The following XPO7 variants were observed in gnomAD, a reference collection of about 807,000 sequenced individuals.
The protein encoded by XPO7 is exportin 7, also known as exportin-7.
In XPO7, 21 loss-of-function variants were observed where a neutral mutation model predicts 144.3. The observed-to-expected ratio is 0.15, with a 90% confidence interval of 0.10 to 0.21. XPO7 has a LOEUF of 0.21. Ranked by LOEUF, XPO7 falls within the 10% of genes least tolerant of loss-of-function variation. The pLI is 1.00. For synonymous variants in XPO7, 580 were observed against 499.6 expected (o/e 1.16, Z -2.15); for missense variants, 808 against 1,325.8 (o/e 0.61, Z 6.06).
intron 1 of XPO7, among the ~76,000 whole-genome samples, chr8:21,928,259 G>A (rs1299487450): frequency 2.6e-5 from 4 of 152,174 alleles, no homozygotes; most frequent in African/African-American, 7.2e-5. Context: ...TTGCATAGTA[G>A]GAGTGCTTGG....
rs1812012624 is a variant in XPO7, at chr8:21,970,288, C to G, written c.404C>G (p.Thr135Arg). The G allele has an allele frequency of 6.2e-7, 1 of 1,613,484 alleles. No homozygotes were observed. The highest frequency in any genetic ancestry group is 1.1e-5 in the South Asian group (1 of 91,034). The change falls in exon 4 of 28, where the codon ACA (threonine) becomes AGA (arginine). Residue 135 changes from threonine to arginine, a missense_variant. Physicochemically the swap from Thr to Arg is moderately conservative, Grantham distance 71 (BLOSUM62 -1). This residue lies in a region of XPO7 where 223 missense variants were observed against 368.8 expected (regional missense o/e 0.60). Transcript: ENST00000252512. ...KDDYVFRNAI[T>R]DVTRFLQDSV... Reference sequence around the variant, plus strand: ...GACTATGTCTTCAGAAATGCAATCACAGACGTCACAAGGTTTTTACAGGTA... The same window carrying G: ...GACTATGTCTTCAGAAATGCAATCAGAGACGTCACAAGGTTTTTACAGGTA...
intron 1 of XPO7, among the ~76,000 whole-genome samples, chr8:21,946,888 C>T (rs953574218): frequency 1.3e-5 from 2 of 152,102 alleles, no homozygotes; most frequent in Admixed American, 1.3e-4. Flanking sequence ...TCAACAGCAA[C>T]CTGGAAGCCA....
At chr8:21,963,115 C>G (rs1007185091) in intron 1 of XPO7, among the ~76,000 whole-genome samples, 2 of 152,188 alleles carry the variant, frequency 1.3e-5, no homozygotes, top group East Asian at 3.9e-4. Flanking sequence ...GATAATTCAG[C>G]TACAAAATTG....
intron 4 of XPO7, among the ~76,000 whole-genome samples, chr8:21,971,425 T>C (rs1812060192): frequency 1.3e-5 from 2 of 152,214 alleles, no homozygotes; most frequent in Admixed American, 1.3e-4. Flanking sequence ...GGGTTATGAG[T>C]GAGACTGGAT....
At position 21,919,841 on chromosome 8, in the gene XPO7, T is replaced by C. The variant is rs1033668135; in HGVS notation, c.18+53T>C. 3.5e-4 allele frequency: 118 copies of C among 335,644 alleles called. 2 individuals are homozygous for C. In the Admixed American group the frequency reaches 6.1e-3, roughly 17 times the overall value. The allele number at this position is 335,644 out of a possible 1,614,324, so 20.8% of individuals were successfully genotyped here. A position where few individuals can be genotyped will look rare whatever the true frequency, so the allele number is the denominator to read the frequency against. On this transcript the variant is annotated intron_variant, in intron 1 of 27. Transcript: ENST00000252512. The stretch of plus-strand genomic sequence containing the variant: ...CGACCACGAAGAGCGGCGAGTGGAG[T>C]CGGGGGTGCACACGGCCCACAGGGC...
At chr8:21,999,035 A>G in intron 22 of XPO7, 56 bp from the exon 23 acceptor site, 2 of 1,600,204 alleles carry the variant, frequency 1.2e-6, no homozygotes, top group Non-Finnish European at 1.7e-6. Flanking sequence ...AGGAAGGCTG[A>G]TCTAAACGAG....
Position 21,937,042 on chromosome 8 carries a change from G to T in XPO7, c.18+17254G>T, listed in dbSNP as rs146648243. 2.6e-3 allele frequency among the ~76,000 whole-genome samples: 401 copies of T among 152,206 alleles called. 2 individuals carry two copies. Among genetic ancestry groups the T allele is most frequent in the African/African-American group, 8.8e-3 (367 of 41,512 alleles). ...ATCACTCTTAACGGACTCAGACTTT[G>T]ACTAATCTGTTAGTTCCAAAATTAT... On this transcript the variant is annotated intron_variant, in intron 1 of 27. Coordinates refer to ENST00000252512, the MANE Select transcript of XPO7 (RefSeq NM_015024.5).
intron 1 of XPO7, among the ~76,000 whole-genome samples, chr8:21,940,652 A>G (rs1810960707): frequency 6.6e-6 from 1 of 152,074 alleles, no homozygotes; most frequent in South Asian, 2.1e-4. Context: ...TATTTTTAGT[A>G]GAGATGGGGT....
intron 26 of XPO7, 33 bp downstream of exon 26, chr8:22,003,350 A>C (rs772553955): frequency 2.6e-6 from 4 of 1,549,512 alleles, no homozygotes; most frequent in East Asian, 4.6e-5. Context: ...GCCAACCCAG[A>C]AGCAGTGGCA....
Position 21,987,290 on chromosome 8 carries a change from A to T in XPO7, c.1713+14A>T. On this transcript the variant is annotated intron_variant, in intron 14 of 27. Transcript: ENST00000252512. ...AAATCCTCTAAGGTAACAGCCTCTC[A>T]ATTGGCTCCCCTTAGTTCTCACTTC... is the stretch of plus-strand genomic sequence containing the variant. 1.9e-6 allele frequency: 3 copies of T among 1,613,834 alleles called. No individual in the cohort carries two copies. Among genetic ancestry groups the T allele is most frequent in the Non-Finnish European group, 2.5e-6 (3 of 1,179,790 alleles).
intron 1 of XPO7, among the ~76,000 whole-genome samples, chr8:21,928,096 C>T (rs1181222716): frequency 6.6e-6 from 1 of 152,214 alleles, no homozygotes; most frequent in Admixed American, 6.5e-5. Flanking sequence ...GTCTGTTCCT[C>T]CCTCAGCTCT....
rs996491209 is a variant in XPO7, at chr8:21,985,069, A to G, written c.1471+230A>G. ...TTGTTTTAAGAGATGAGGTCTCGCT[A>G]TGTTGCCACGTGGGCCTTGTACTTC... On this transcript the variant is annotated intron_variant, in intron 12 of 27. Transcript: ENST00000252512. Among the ~76,000 whole-genome samples, 10 of 98,248 alleles carry G rather than the reference A, an allele frequency of 1.0e-4. No homozygotes were observed. In the East Asian group the frequency reaches 2.2e-3, roughly 22 times the overall value. 64.5% of individuals were successfully genotyped at this position (98,248 alleles called of 152,430 possible).
Position 22,005,253 on chromosome 8 carries a change from A to T in XPO7, c.*165A>T. On this transcript the variant is annotated 3_prime_UTR_variant, in exon 28 of 28. Coordinates refer to ENST00000252512, the MANE Select transcript of XPO7 (RefSeq NM_015024.5). ...TGCTTCCCCAGGGAATAGGGGTGTG[A>T]GTACACTCACTAGGGGGCAGGGCGC... 2.1e-6 allele frequency: 1 copy of T among 467,138 alleles called. No homozygotes were observed. The highest frequency in any genetic ancestry group is 3.8e-6 in the Non-Finnish European group (1 of 266,268). 28.9% of individuals were successfully genotyped at this position (467,138 alleles called of 1,614,324 possible). A position where few individuals can be genotyped will look rare whatever the true frequency, so the allele number is the denominator to read the frequency against.
At chr8:21,947,197 C>T (rs1811221172) in intron 1 of XPO7, among the ~76,000 whole-genome samples, 1 of 152,112 alleles carries the variant, frequency 6.6e-6, no homozygotes, top group South Asian at 2.1e-4. Context: ...AAATAAGGGA[C>T]AGTAACAGCG....
chr8:21,962,470 T>C (rs191378288), intron 1 of XPO7, among the ~76,000 whole-genome samples: 109 of 152,336 alleles, frequency 7.2e-4, no homozygotes, highest in Non-Finnish European at 1.2e-3. Flanking sequence ...TGAATTCTGA[T>C]TGGTAACAGA....
chr8:21,979,493 C>T (rs1360928852), intron 8 of XPO7, among the ~76,000 whole-genome samples: 2 of 151,372 alleles, frequency 1.3e-5, no homozygotes, highest in South Asian at 2.1e-4. Flanking sequence ...CTGCAGCCTC[C>T]GCCTCCCAGC....
intron 1 of XPO7, among the ~76,000 whole-genome samples, chr8:21,928,979 G>C (rs769370014): frequency 1.2e-4 from 19 of 152,162 alleles, no homozygotes; most frequent in Non-Finnish European, 2.4e-4. Flanking sequence ...ACTTCTGGTA[G>C]ATCTTCTTTG....
rs1812073362 is a variant in XPO7 at position 21,971,880 on chromosome 8, G to C, written c.431G>C (p.Ser144Thr). 5 of 1,612,682 alleles carry C rather than the reference G, an allele frequency of 3.1e-6. No homozygotes were observed. Among genetic ancestry groups the C allele is most frequent in the South Asian group, 1.1e-5 (1 of 91,020 alleles). The change falls in exon 5 of 28, where the codon AGT becomes ACT. Residue 144 changes from serine (S) to threonine (T), a missense_variant. Coordinates refer to ENST00000252512, the MANE Select transcript of XPO7 (RefSeq NM_015024.5). ...CCTTATACTTTTTTTAACCAGGATA[G>C]TGTTGAATACTGCATCATTGGTGTC... ...ITDVTRFLQD[S>T]VEYCIIGVTI...
At chr8:21,974,835 A>T (rs371117897) in intron 6 of XPO7, 61 bp downstream of exon 6, 2 of 1,333,454 alleles carry the variant, frequency 1.5e-6, no homozygotes, top group African/African-American at 3.0e-5. Flanking sequence ...AATGGATGGG[A>T]ACTTGTTAAA....
Sources: gnomAD v4.1 joint callset for allele counts (sites outside exome capture counted in the v4.1 genomes callset) on GRCh38, gnomAD v4.1.1 for gene constraint, gnomAD v4.1.1 regional missense constraint, MANE v1.5 for transcripts, NCBI Gene and HGNC (gene_info 2026-07-23, HGNC 2026-07-21) for gene names.